The following DSTYK variants were observed in gnomAD, a reference collection of about 807,000 sequenced individuals.
DSTYK encodes the protein dual serine/threonine and tyrosine protein kinase.
DSTYK carries 34 observed loss-of-function variants against 98.7 expected under a neutral mutation model. The ratio of observed to expected loss-of-function variants is 0.34; its 90% CI spans 0.26 to 0.46. DSTYK has a LOEUF of 0.46. Ranked by LOEUF, DSTYK falls within the 20% of genes least tolerant of loss-of-function variation. DSTYK has a pLI of 1.00. For synonymous variants in DSTYK, 462 were observed against 457.3 expected, an observed-to-expected ratio of 1.01 and a Z score of -0.13; for missense variants, 962 against 1,181.7, an observed-to-expected ratio of 0.81 and a Z score of 2.73.
rs768808653 is a variant in DSTYK, at chr1:205,211,511, C to T, written c.25G>A (p.Gly9Ser). Residue 9 changes from glycine (G) to serine (S), a missense_variant, in exon 1 of 13, where the codon GGC (glycine) becomes AGC (serine). Gly to Ser is a moderately conservative substitution (Grantham distance 56). Transcript: ENST00000367162. MEGDGVPWGSEPVSGPGPG... is the reference protein window; with the variant it reads MEGDGVPWSSEPVSGPGPG... Reference sequence around the variant, plus strand: ...CCGGGACCCGAGACGGGCTCGCTGCCCCATGGCACCCCGTCGCCCTCCATC... The same window carrying T: ...CCGGGACCCGAGACGGGCTCGCTGCTCCATGGCACCCCGTCGCCCTCCATC... The T allele has an allele frequency of 1.9e-5, 29 of 1,560,032 alleles. No individual in the cohort carries two copies. The highest frequency in any genetic ancestry group is 4.8e-5 in the East Asian group (2 of 41,994).
chr1:205,188,416 G>A (rs2102452800), intron 1 of DSTYK, among the ~76,000 whole-genome samples: 1 of 152,182 alleles, frequency 6.6e-6, no homozygotes, highest in Admixed American at 6.5e-5. Flanking sequence ...TAGGCTATAG[G>A]GTGTAGCCTA....
intron 1 of DSTYK, among the ~76,000 whole-genome samples, chr1:205,190,108 G>T (rs1658666299): frequency 6.6e-6 from 1 of 152,140 alleles, no homozygotes; most frequent in South Asian, 2.1e-4. Context: ...AAAGCAGGAA[G>T]AACCATCCTA....
intron 1 of DSTYK, among the ~76,000 whole-genome samples, chr1:205,196,241 A>G (rs1301450835): frequency 2.0e-5 from 3 of 152,208 alleles, no homozygotes; most frequent in Non-Finnish European, 4.4e-5. Context: ...ACTAATACAT[A>G]TAGAAGGAAT....
In DSTYK at chr1:205,169,123, CCT is replaced by C; in HGVS notation, c.1324+38_1324+39del. ...TCCGGCTAGAAAATGGTTAGAGACT[CCT>C]CCCGTGCCAGCACCCCAACAAGCTC... On this transcript the variant is annotated intron_variant, in intron 3 of 12. Coordinates refer to ENST00000367162, the MANE Select transcript of DSTYK (RefSeq NM_015375.3). The surrounding 1 kb of genome is among the most constrained non-coding windows in gnomAD (Gnocchi z 4.0). The C allele has an allele frequency of 6.7e-7, 1 of 1,501,296 alleles. No individual in the cohort carries two copies. The highest frequency in any genetic ancestry group is 9.0e-7 in the Non-Finnish European group (1 of 1,111,798). The allele number at this position is 1,501,296 out of a possible 1,614,324, so 93.0% of individuals were successfully genotyped here. A position where few individuals can be genotyped will look rare whatever the true frequency, so the allele number is the denominator to read the frequency against.
chr1:205,154,857 T>C (rs1314087921), intron 10 of DSTYK, among the ~76,000 whole-genome samples: 1 of 152,138 alleles, frequency 6.6e-6, no homozygotes, highest in Non-Finnish European at 1.5e-5. Flanking sequence ...TGTTGGGAAC[T>C]GGAATAAAGG....
intron 10 of DSTYK, among the ~76,000 whole-genome samples, chr1:205,154,056 C>CGT (rs34909035): frequency 0.04 from 5,766 of 143,446 alleles, 159 homozygotes; most frequent in African/African-American, 0.084. Context: ...AGTATGCACA[C>CGT]GTGTGTGTGT....
chr1:205,194,725 C>T (rs901816251), intron 1 of DSTYK, among the ~76,000 whole-genome samples: 1 of 151,476 alleles, frequency 6.6e-6, no homozygotes, highest in Admixed American at 6.6e-5. Flanking sequence ...AAGAAAACTC[C>T]AGCTCTGTCG....
At position 205,198,193 on chromosome 1, in the gene DSTYK, C is replaced by CA. The variant is rs533462760; in HGVS notation, c.266-10388dup. Among the ~76,000 whole-genome samples the CA allele has an allele frequency of 9.4e-3, 1,385 of 147,782 alleles. 10 individuals carry two copies. The highest frequency in any genetic ancestry group is 0.014 in the Non-Finnish European group (916 of 67,294). On this transcript the variant is annotated intron_variant, in intron 1 of 12. Transcript: ENST00000367162. ...GGGCAACAAGAGTGAAACTCCGTCT[C>CA]AAAAAAAAAAGAAAGAAAGAAAGAA...
rs781379060 is a variant in DSTYK at position 205,163,798 on chromosome 1, G to C, written c.1482C>G (p.Thr494=). The C allele has an allele frequency of 1.2e-6, 2 of 1,614,092 alleles. No homozygotes were observed. The highest frequency in any genetic ancestry group is 1.7e-6 in the Non-Finnish European group (2 of 1,180,028). Residue 494 remains threonine, a synonymous_variant, in exon 4 of 13, where the codon ACC becomes ACG. Coordinates refer to ENST00000367162, the MANE Select transcript of DSTYK (RefSeq NM_015375.3). ...VDYLRESFVG[T]LERCLQSLEK... ...CCAGGCTCTGCAGACATCGTTCCAG[G>C]GTTCCGACGAAGCTTTCCCTCAGGT... is the stretch of plus-strand genomic sequence containing the variant.
intron 3 of DSTYK, among the ~76,000 whole-genome samples, chr1:205,166,912 G>T (rs1373573932): frequency 6.6e-6 from 1 of 152,204 alleles, no homozygotes; most frequent in Non-Finnish European, 1.5e-5. Flanking sequence ...AAGAGTCTGT[G>T]TTATTTGCTG....
At chr1:205,151,169 T>A (rs1482730318) in intron 10 of DSTYK, among the ~76,000 whole-genome samples, 1 of 152,176 alleles carries the variant, frequency 6.6e-6, no homozygotes. Flanking sequence ...TAGAGGGCAT[T>A]TACAATGAAT....
chr1:205,172,161 T>C (rs1039573977), intron 2 of DSTYK, among the ~76,000 whole-genome samples: 2 of 152,168 alleles, frequency 1.3e-5, no homozygotes, highest in African/African-American at 4.8e-5. Flanking sequence ...TTCACCATGT[T>C]GGCCGGGCTG....
At chr1:205,179,059 G>A (rs995013276) in intron 2 of DSTYK, among the ~76,000 whole-genome samples, 3 of 151,858 alleles carry the variant, frequency 2.0e-5, no homozygotes, top group Non-Finnish European at 4.4e-5. Context: ...AGCCTGGGAG[G>A]TTGAGGCTGC....
chr1:205,199,488 T>C (rs1658963826), intron 1 of DSTYK, among the ~76,000 whole-genome samples: 1 of 152,166 alleles, frequency 6.6e-6, no homozygotes, highest in African/African-American at 2.4e-5. Flanking sequence ...GAGACACACA[T>C]CTTAAGCATT....
chr1:205,156,520 G>A (rs1657565772), intron 10 of DSTYK, among the ~76,000 whole-genome samples: 1 of 152,146 alleles, frequency 6.6e-6, no homozygotes, highest in South Asian at 2.1e-4. Context: ...ACTTGCATGG[G>A]CCCTGTAGCA....
intron 1 of DSTYK, among the ~76,000 whole-genome samples, chr1:205,194,664 T>C: frequency 6.6e-6 from 1 of 151,104 alleles, no homozygotes; most frequent in Non-Finnish European, 1.5e-5. Flanking sequence ...ATTATAGGCA[T>C]GAGCCGCCGT....
intron 1 of DSTYK, among the ~76,000 whole-genome samples, chr1:205,198,934 C>T (rs540652195): frequency 3.3e-5 from 5 of 151,300 alleles, no homozygotes; most frequent in East Asian, 1.9e-4. Context: ...CAGGTTCAGG[C>T]GATTCTTCTG....
At chr1:205,180,460 C>T (rs1388478098) in intron 2 of DSTYK, among the ~76,000 whole-genome samples, 3 of 152,040 alleles carry the variant, frequency 2.0e-5, no homozygotes, top group African/African-American at 7.2e-5. Flanking sequence ...TTTTTATGGC[C>T]ACACAGGATG....
intron 2 of DSTYK, among the ~76,000 whole-genome samples, chr1:205,177,891 T>C (rs1052870887): frequency 2.7e-5 from 4 of 150,020 alleles, no homozygotes; most frequent in East Asian, 2.0e-4. Flanking sequence ...AAAAAGAAAA[T>C]ACCTTGACTC....
Sources: allele counts gnomAD v4.1 joint callset (sites outside exome capture counted in the v4.1 genomes callset), GRCh38; gene constraint gnomAD v4.1.1; non-coding constraint Gnocchi (gnomAD v3.1); transcripts MANE v1.5; gene names NCBI Gene and HGNC (gene_info 2026-07-23, HGNC 2026-07-21).